C12orf56: variants seen among roughly 807,000 people sequenced by gnomAD.
C12orf56 encodes the protein chromosome 12 open reading frame 56.
C12orf56 carries 71 observed loss-of-function variants against 69.9 expected under a neutral mutation model. That is an observed-to-expected ratio of 1.02 (90% confidence interval 0.84 to 1.24). The LOEUF is 1.24. C12orf56 is among the 50% of genes most tolerant of loss of function. C12orf56 has a pLI of 0.00. For synonymous variants in C12orf56, 276 were observed against 274.1 expected, an observed-to-expected ratio of 1.01 and a Z score of -0.07; for missense variants, 732 against 738.5, an observed-to-expected ratio of 0.99 and a Z score of 0.10.
chr12:64,299,367 T>A (rs2038413696), intron 6 of C12orf56, among the ~76,000 whole-genome samples: 1 of 152,102 alleles, frequency 6.6e-6, no homozygotes, highest in South Asian at 2.1e-4. Context: ...CTATCTGAAT[T>A]ATTTCCTTCT....
intron 6 of C12orf56, among the ~76,000 whole-genome samples, chr12:64,296,345 T>G (rs1224241937): frequency 1.3e-5 from 2 of 152,350 alleles, no homozygotes; most frequent in East Asian, 3.9e-4. Context: ...TCTCCAGCTT[T>G]AAGACACTGT....
chr12:64,318,365 AAACTGCTCATT>A (rs2038716483), intron 4 of C12orf56, among the ~76,000 whole-genome samples, 199 bp downstream of exon 4: 1 of 152,148 alleles, frequency 6.6e-6, no homozygotes, highest in East Asian at 1.9e-4. Context: ...GCCCGTCCAG[AAACTGCTCATT>A]AATGAGCATT....
chr12:64,362,691 C>T (rs1302422353), intron 1 of C12orf56, among the ~76,000 whole-genome samples: 1 of 151,678 alleles, frequency 6.6e-6, no homozygotes, highest in Non-Finnish European at 1.5e-5. Flanking sequence ...GACTCCATCT[C>T]AAAAAAGAAA....
At chr12:64,350,894 A>C (rs1408925101) in intron 2 of C12orf56, among the ~76,000 whole-genome samples, 1 of 152,218 alleles carries the variant, frequency 6.6e-6, no homozygotes, top group Non-Finnish European at 1.5e-5. Context: ...TTTGTTTTTA[A>C]CAAAAAATGA....
intron 8 of C12orf56, among the ~76,000 whole-genome samples, chr12:64,283,463 A>G (rs1284692817): frequency 6.6e-6 from 1 of 152,230 alleles, no homozygotes; most frequent in Non-Finnish European, 1.5e-5. Flanking sequence ...CCTTTTAATA[A>G]CAGATGTCCC....
intron 4 of C12orf56, among the ~76,000 whole-genome samples, chr12:64,314,861 T>G (rs1187056865): frequency 1.3e-5 from 2 of 149,460 alleles, no homozygotes; most frequent in Admixed American, 1.3e-4. Flanking sequence ...GATCTCGATC[T>G]CCTGACCTCC....
At chr12:64,358,395 T>C (rs1206352821) in intron 1 of C12orf56, among the ~76,000 whole-genome samples, 2 of 150,384 alleles carry the variant, frequency 1.3e-5, no homozygotes, top group South Asian at 2.1e-4. Flanking sequence ...GAGGTGGAGA[T>C]TGCAATGAGC....
Position 64,372,209 on chromosome 12 carries a change from G to A in C12orf56, c.252+18105C>T, listed in dbSNP as rs549941816. ...TAGTTGAGGAAACTGAGGCATGGAG[G>A]AAGTTAAGGGATTTGCCCAAAGGTT... On this transcript the variant is annotated intron_variant, in intron 1 of 12. Coordinates refer to ENST00000543942, the MANE Select transcript of C12orf56 (RefSeq NM_001170633.2). Among the ~76,000 whole-genome samples, 16 of 152,200 alleles carry A rather than the reference G, an allele frequency of 1.1e-4. No individual in the cohort carries two copies. The South Asian group carries it at 2.7e-3, about 26-fold the overall frequency.
At chr12:64,313,274 A>AAAAAAAGAAAGAAAGAAAGAAAG (rs762664621) in intron 4 of C12orf56, among the ~76,000 whole-genome samples, 16 of 81,424 alleles carry the variant, frequency 2.0e-4, no homozygotes, top group African/African-American at 6.1e-4. Context: ...AAAAAAAAAA[A>AAAAAAAGAAAGAAAGAAAGAAAG]AAAGAAAGAA....
chr12:64,331,134 C>G, intron 2 of C12orf56, 102 bp from the exon 3 acceptor site: 1 of 1,060,434 alleles, frequency 9.4e-7, no homozygotes, highest in East Asian at 2.7e-5. Context: ...TTCATAAATC[C>G]TCACAAAAAT....
chr12:64,366,875 T>A (rs2039492182), intron 1 of C12orf56, among the ~76,000 whole-genome samples: 1 of 126,362 alleles, frequency 7.9e-6, no homozygotes, highest in African/African-American at 3.1e-5. Flanking sequence ...AACATACAGT[T>A]TATATATATT....
Position 64,380,099 on chromosome 12 carries a change from C to T in C12orf56, c.252+10215G>A, listed in dbSNP as rs528407754. ...CAGCCTGGGCGACAGAGCAAGACTC[C>T]GTCGCAAAAAAAAAAAAAAAAAAAA... On this transcript the variant is annotated intron_variant, in intron 1 of 12. Coordinates refer to ENST00000543942, the MANE Select transcript of C12orf56 (RefSeq NM_001170633.2). 1.3e-4 allele frequency among the ~76,000 whole-genome samples: 12 copies of T among 90,624 alleles called. No individual in the cohort carries two copies. In the South Asian group the frequency reaches 4.0e-3, roughly 30 times the overall value. The allele number at this position is 90,624 out of a possible 152,430, so 59.5% of individuals were successfully genotyped here. A position where few individuals can be genotyped will look rare whatever the true frequency, so the allele number is the denominator to read the frequency against.
At chr12:64,362,974 G>A (rs2039418333) in intron 1 of C12orf56, among the ~76,000 whole-genome samples, 2 of 152,238 alleles carry the variant, frequency 1.3e-5, no homozygotes, top group South Asian at 4.1e-4. Flanking sequence ...CTTGGTTTTG[G>A]TGGGTTCAGG....
At chr12:64,343,769 T>G (rs2135941450) in intron 2 of C12orf56, among the ~76,000 whole-genome samples, 1 of 152,328 alleles carries the variant, frequency 6.6e-6, no homozygotes, top group East Asian at 1.9e-4. Flanking sequence ...AGCACTAATT[T>G]CCATGATCCC....
intron 4 of C12orf56, among the ~76,000 whole-genome samples, chr12:64,317,066 A>G (rs555627129): frequency 6.6e-6 from 1 of 152,164 alleles, no homozygotes; most frequent in Non-Finnish European, 1.5e-5. Flanking sequence ...AATATATGAG[A>G]TCTTTTTTTA....
chr12:64,347,896 C>A (rs1171238042), intron 2 of C12orf56, among the ~76,000 whole-genome samples: 3 of 152,080 alleles, frequency 2.0e-5, no homozygotes, highest in East Asian at 1.9e-4. Flanking sequence ...ATAAGATAAA[C>A]CTAAAAATTT....
intron 1 of C12orf56, among the ~76,000 whole-genome samples, chr12:64,385,117 A>G (rs536565164): frequency 6.6e-6 from 1 of 152,204 alleles, no homozygotes; most frequent in African/African-American, 2.4e-5. Context: ...TGCACCCAAG[A>G]GCAGAACTCT....
At chr12:64,380,426 G>C (rs538743550) in intron 1 of C12orf56, among the ~76,000 whole-genome samples, 1 of 152,258 alleles carries the variant, frequency 6.6e-6, no homozygotes, top group African/African-American at 2.4e-5. Flanking sequence ...TCAGCAAATA[G>C]TTATTGACCG....
At chr12:64,357,258 C>A (rs2039330930) in intron 1 of C12orf56, among the ~76,000 whole-genome samples, 1 of 151,976 alleles carries the variant, frequency 6.6e-6, no homozygotes, top group South Asian at 2.1e-4. Flanking sequence ...TAGGTAAGTT[C>A]TTAAGTAAGT....
Sources: gnomAD v4.1 joint callset for allele counts (sites outside exome capture counted in the v4.1 genomes callset) on GRCh38, gnomAD v4.1.1 for gene constraint, MANE v1.5 for transcripts, NCBI Gene and HGNC (gene_info 2026-07-23, HGNC 2026-07-21) for gene names.